The following DAB1 variants were observed in gnomAD, a reference collection of about 807,000 sequenced individuals.
The protein encoded by DAB1 is disabled homolog 1.
DAB1 carries 15 observed loss-of-function variants against 64.6 expected under a neutral mutation model. The observed-to-expected ratio is 0.23, with a 90% CI of 0.16 to 0.36. The LOEUF is 0.36. Among genes scored for constraint, DAB1 ranks in the 10% least tolerant of loss-of-function variants. The pLI, the probability that DAB1 is intolerant of heterozygous loss-of-function variation, is 1.00. For missense variants in DAB1, 596 were observed against 706.7 expected, an observed-to-expected ratio of 0.84 and a Z score of 1.78; for synonymous variants, 235 against 251.9, an observed-to-expected ratio of 0.93 and a Z score of 0.64.
chr1:57,391,437 C>G (rs1446208482), intron 1 of DAB1, among the ~76,000 whole-genome samples: 1 of 152,204 alleles, frequency 6.6e-6, no homozygotes, highest in East Asian at 1.9e-4. Flanking sequence ...GTCATGTTAA[C>G]CTCTGTAATC....
intron 4 of DAB1, among the ~76,000 whole-genome samples, chr1:58,242,787 A>C (rs1660356323): frequency 6.6e-6 from 1 of 152,132 alleles, no homozygotes; most frequent in Non-Finnish European, 1.5e-5. Flanking sequence ...AGTTGAAGAC[A>C]GAGGAAGTGC....
intron 2 of DAB1, among the ~76,000 whole-genome samples, chr1:57,227,519 TTGTGTGTGTGTGTG>T (rs57671970): frequency 1.7e-3 from 230 of 135,802 alleles, no homozygotes; most frequent in African/African-American, 5.2e-3. Context: ...TTTTTTTCTT[TTGTGTGTGTGTGTG>T]TGTGTGTGTG....
At position 58,296,191 on chromosome 1, in the gene DAB1, GAAAGAGAAAGAA is replaced by G. The variant is rs1299945866; in HGVS notation, n.309+47149_309+47160del. Among the ~76,000 whole-genome samples the G allele has an allele frequency of 9.8e-5, 11 of 112,624 alleles. 1 individual carries two copies. Among genetic ancestry groups the G allele is most frequent in the African/African-American group, 3.7e-4 (11 of 29,956 alleles). The allele number at this position is 112,624 out of a possible 152,430, so 73.9% of individuals were successfully genotyped here. A position where few individuals can be genotyped will look rare whatever the true frequency, so the allele number is the denominator to read the frequency against. On this transcript the variant is annotated intron_variant and non_coding_transcript_variant, in intron 4 of 20. Transcript: ENST00000485760. The stretch of plus-strand genomic sequence containing the variant: ...GAAAGAAAAAAGAAAGAAAGAGAAA[GAAAGAGAAAGAA>G]AGAAAGAAAGAAAGAAAGAAAGAAA...
chr1:58,181,226 T>C (rs1198548517), intron 4 of DAB1, among the ~76,000 whole-genome samples: 2 of 152,148 alleles, frequency 1.3e-5, no homozygotes, highest in Non-Finnish European at 2.9e-5. Context: ...ATAAGACTTT[T>C]TGTTTTAAAG....
chr1:57,028,073 T>C (rs1646849140), intron 9 of DAB1, among the ~76,000 whole-genome samples: 1 of 152,126 alleles, frequency 6.6e-6, no homozygotes, highest in Admixed American at 6.5e-5. Context: ...TGGGAGTACC[T>C]AGAAGGAAAT....
At chr1:57,173,507 C>G (rs182229741) in intron 2 of DAB1, among the ~76,000 whole-genome samples, 1 of 152,248 alleles carries the variant, frequency 6.6e-6, no homozygotes, top group African/African-American at 2.4e-5. Flanking sequence ...CAAAATATCT[C>G]CTATGTATAT....
At chr1:57,670,634 A>G (rs2101683192) in intron 6 of DAB1, among the ~76,000 whole-genome samples, 1 of 152,270 alleles carries the variant, frequency 6.6e-6, no homozygotes, top group South Asian at 2.1e-4. Context: ...AAAAGGTAGA[A>G]CAACATAAAA....
rs1191437077 is a variant in DAB1 at position 58,502,938 on chromosome 1, C to T, written n.257+3122G>A. 3.3e-5 allele frequency among the ~76,000 whole-genome samples: 5 copies of T among 152,170 alleles called. No homozygotes were observed. In the East Asian group the frequency reaches 5.8e-4, roughly 18 times the overall value. On this transcript the variant is annotated intron_variant and non_coding_transcript_variant, in intron 3 of 20. Transcript: ENST00000485760. ...TTATTTTTAGAAGAAAAATGTCTCACGTCTTTGTCTTCATCATTTGCTCCC... is the reference window on the plus strand; with the variant it reads ...TTATTTTTAGAAGAAAAATGTCTCATGTCTTTGTCTTCATCATTTGCTCCC...
chr1:58,043,144 A>G (rs1647164392), intron 5 of DAB1, among the ~76,000 whole-genome samples: 2 of 152,198 alleles, frequency 1.3e-5, no homozygotes, highest in Non-Finnish European at 2.9e-5. Context: ...TGCTCTTTCC[A>G]AACTGTTAAC....
chr1:57,951,829 C>A (rs530593678), intron 5 of DAB1, among the ~76,000 whole-genome samples: 1 of 152,196 alleles, frequency 6.6e-6, no homozygotes, highest in Admixed American at 6.5e-5. Flanking sequence ...TGGGTATATA[C>A]TACAGGTGTA....
At chr1:57,071,903 A>G (rs530493486) in intron 5 of DAB1, among the ~76,000 whole-genome samples, 32 of 152,326 alleles carry the variant, frequency 2.1e-4, no homozygotes, top group African/African-American at 7.2e-4. Flanking sequence ...GATTTAGAAT[A>G]CAATAAAATT....
chr1:57,291,871 T>C (rs966291117), intron 1 of DAB1, among the ~76,000 whole-genome samples: 1 of 152,162 alleles, frequency 6.6e-6, no homozygotes, highest in Non-Finnish European at 1.5e-5. Flanking sequence ...AACAGAATAA[T>C]GATAATACAA....
At chr1:57,886,983 GT>G (rs1329220184), upstream of DAB1, among the ~76,000 whole-genome samples, 1 of 152,118 alleles carries the variant, frequency 6.6e-6, no homozygotes, top group African/African-American at 2.4e-5. Context: ...CATGCAGAAG[GT>G]TTTCAATAGG....
chr1:58,328,519 A>C (rs1156374731), intron 4 of DAB1, among the ~76,000 whole-genome samples: 1 of 152,126 alleles, frequency 6.6e-6, no homozygotes, highest in African/African-American at 2.4e-5. Flanking sequence ...CGCAGCAGCC[A>C]CACTCCCTGT....
intron 5 of DAB1, among the ~76,000 whole-genome samples, chr1:57,965,473 A>G (rs1049858844): frequency 2.0e-5 from 3 of 152,166 alleles, no homozygotes; most frequent in South Asian, 2.1e-4. Flanking sequence ...TCTGTGTCAT[A>G]GGTGGTGAGG....
At chr1:58,330,991 A>C (rs1662956624) in intron 4 of DAB1, among the ~76,000 whole-genome samples, 2 of 152,262 alleles carry the variant, frequency 1.3e-5, no homozygotes, top group African/African-American at 4.8e-5. Context: ...AATAAATTTC[A>C]TAAGGCTATA....
rs536743159 is a variant in DAB1, at chr1:57,843,907, A to G, written n.88-17452T>C. Among the ~76,000 whole-genome samples the G allele has an allele frequency of 1.5e-3, 221 of 152,204 alleles. 3 individuals carry two copies. Among genetic ancestry groups the G allele is most frequent in the Non-Finnish European group, 6.8e-4 (46 of 68,032 alleles). ...ATTTGCTCAGGATGTGGTATATAGA[A>G]AGAAGCAAGAATTTGACCAGGTTTG... On this transcript the variant is annotated intron_variant and non_coding_transcript_variant, in intron 1 of 1. Coordinates refer to the DAB1 transcript ENST00000477280.
chr1:57,856,006 T>A (rs1014639338), intron 1 of DAB1, among the ~76,000 whole-genome samples: 2 of 152,084 alleles, frequency 1.3e-5, no homozygotes, highest in African/African-American at 4.8e-5. Context: ...TTGGCAGGAT[T>A]TACTGTCAGA....
intron 4 of DAB1, among the ~76,000 whole-genome samples, chr1:57,135,658 C>A (rs1027042571): frequency 6.6e-6 from 1 of 152,206 alleles, no homozygotes; most frequent in South Asian, 2.1e-4. Context: ...ATTTAAACTA[C>A]CATCTTACTA....
Sources: gnomAD v4.1 joint callset for allele counts (sites outside exome capture counted in the v4.1 genomes callset) on GRCh38, gnomAD v4.1.1 for gene constraint, MANE v1.5 for transcripts, NCBI Gene and HGNC (gene_info 2026-07-23, HGNC 2026-07-21) for gene names.